SLC44A2: variants seen among roughly 807,000 people sequenced by gnomAD.
SLC44A2 encodes solute carrier family 44 member 2 (CTL2 blood group).
In SLC44A2, 57 loss-of-function variants were observed where a neutral mutation model predicts 90.8. That is an observed-to-expected ratio of 0.63 (90% confidence interval 0.51 to 0.78). The LOEUF (loss-of-function observed/expected upper bound fraction) is 0.78. Among genes scored for constraint, SLC44A2 ranks in the 30% least tolerant of loss-of-function variants. The pLI is 0.00. For synonymous variants in SLC44A2, 355 were observed against 360.7 expected, an observed-to-expected ratio of 0.98 and a Z score of 0.18; for missense variants, 794 against 919.7, an observed-to-expected ratio of 0.86 and a Z score of 1.77.
chr19:10,614,844 G>A (rs937743572), intron 1 of SLC44A2, among the ~76,000 whole-genome samples: 1 of 151,548 alleles, frequency 6.6e-6, no homozygotes, highest in Non-Finnish European at 1.5e-5. Flanking sequence ...GGTGGTGCGT[G>A]CCTGTAATCC....
intron 1 of SLC44A2, among the ~76,000 whole-genome samples, chr19:10,611,323 G>T (rs1248994873): frequency 6.6e-6 from 1 of 152,018 alleles, no homozygotes; most frequent in Non-Finnish European, 1.5e-5. Flanking sequence ...GTGGTGGCAG[G>T]TACCTGTAAT....
chr19:10,621,573 T>G (rs2066895527), upstream of SLC44A2, among the ~76,000 whole-genome samples: 1 of 151,754 alleles, frequency 6.6e-6, no homozygotes, highest in Non-Finnish European at 1.5e-5. Context: ...CCTCCCAAGT[T>G]GCTGGGACTA....
rs777292073 is a variant in SLC44A2 at position 10,635,265 on chromosome 19, C to G, written c.1148+10C>G. ...GGGCCAGCACTGCTGTGTATCTGCC[C>G]CCAGACACTGATCTCTGACCCCAGG... On this transcript the variant is annotated intron_variant, in intron 13 of 21. Transcript: ENST00000335757. 2 of 1,613,772 alleles carry G rather than the reference C, an allele frequency of 1.2e-6. No homozygotes were observed. Among genetic ancestry groups the G allele is most frequent in the Non-Finnish European group, 1.7e-6 (2 of 1,179,928 alleles).
In SLC44A2 at chr19:10,635,194, T is replaced by C; in HGVS notation, c.1087T>C (p.Tyr363His). Residue 363 changes from tyrosine (Y) to histidine (H), a missense_variant, in exon 13 of 22, where the codon TAC (tyrosine) becomes CAC (histidine). Transcript: ENST00000335757. ...AVGYVMCSLL[Y>H]PLVTFFLLCL... ...GGGATACGTCATGTGCTCCTTGCTCTACCCACTGGTCACCTTCTTCTTGCT... is the reference window on the plus strand; with the variant it reads ...GGGATACGTCATGTGCTCCTTGCTCCACCCACTGGTCACCTTCTTCTTGCT... 3 of 1,614,094 alleles carry C rather than the reference T, an allele frequency of 1.9e-6. No individual in the cohort carries two copies. The highest frequency in any genetic ancestry group is 2.5e-6 in the Non-Finnish European group (3 of 1,180,028).
At position 10,632,024 on chromosome 19, in the gene SLC44A2, G is replaced by C. The variant is rs770293579; in HGVS notation, c.711-20G>C. The C allele has an allele frequency of 8.1e-6, 13 of 1,613,946 alleles. No homozygotes were observed. In the South Asian group the frequency reaches 1.4e-4, roughly 18 times the overall value. On this transcript the variant is annotated intron_variant, in intron 9 of 21. Coordinates refer to ENST00000335757, the MANE Select transcript of SLC44A2 (RefSeq NM_020428.4). ...CTGGCTGAGGGTGGAGTCTGTTCAT[G>C]ACCGTTTTCTTTTCCCCAGAGGCCT...
At chr19:10,638,155 G>C (rs2067079242) in intron 19 of SLC44A2, 62 bp downstream of exon 19, 2 of 1,612,470 alleles carry the variant, frequency 1.2e-6, no homozygotes, top group East Asian at 2.2e-5. Context: ...TCTGTGATGA[G>C]TGTCATCTTC....
intron 1 of SLC44A2, among the ~76,000 whole-genome samples, chr19:10,610,536 G>A (rs550678622): frequency 6.8e-6 from 1 of 147,384 alleles, no homozygotes; most frequent in African/African-American, 2.5e-5. Context: ...GGGTTTCACT[G>A]TGTTAGCCAG....
Position 10,635,037 on chromosome 19 carries a change from T to G in SLC44A2, c.1019T>G (p.Ile340Ser), listed in dbSNP as rs776225036. 2 of 1,614,120 alleles carry G rather than the reference T, an allele frequency of 1.2e-6. No homozygotes were observed. ...ILLLIFLRKRILIAIALIKEA... is the reference protein window; with the variant it reads ...ILLLIFLRKRSLIAIALIKEA... The stretch of plus-strand genomic sequence containing the variant: ...CTGCTCATCTTTCTCCGGAAGAGAA[T>G]TCTCATCGCGATTGCACTCATCAAA... The change falls in exon 12 of 22, where the codon ATT becomes AGT. Residue 340 changes from isoleucine to serine, a missense_variant. This residue lies in a region of SLC44A2 where 738 missense variants were observed against 841.1 expected (regional missense o/e 0.88). Transcript: ENST00000335757.
chr19:10,631,274 G>A lies in SLC44A2; in HGVS notation c.331-1G>A. The A allele has an allele frequency of 6.2e-7, 1 of 1,614,052 alleles. No individual in the cohort carries two copies. The highest frequency in any genetic ancestry group is 8.5e-7 in the Non-Finnish European group (1 of 1,179,998). On this transcript the variant is annotated splice_acceptor_variant, in intron 5 of 21. Transcript: ENST00000335757. LOFTEE classifies it high-confidence loss of function. ...CCAATCCCTTCCTTCTCCCCTCCCA[G>A]ATCTGCGTGGAAAAATGCCCCGACC...
intron 1 of SLC44A2, among the ~76,000 whole-genome samples, chr19:10,606,842 T>A (rs1428992886): frequency 3.6e-5 from 5 of 137,666 alleles, no homozygotes; most frequent in African/African-American, 5.3e-5. Flanking sequence ...TATATTAAAA[T>A]ATATATATAC....
At chr19:10,636,262 A>G (rs1253741754) in intron 14 of SLC44A2, 61 bp from the exon 15 acceptor site, 1 of 1,555,728 alleles carries the variant, frequency 6.4e-7, no homozygotes, top group African/African-American at 1.4e-5. Context: ...CCTGATGCTC[A>G]GAGCCCACTG....
In SLC44A2 at chr19:10,631,257, T is replaced by C. The variant is rs1189518633; in HGVS notation, c.331-18T>C. Reference sequence around the variant, plus strand: ...GTCTGCCCCAACTCCACCCAATCCCTTCCTTCTCCCCTCCCAGATCTGCGT... The same window carrying C: ...GTCTGCCCCAACTCCACCCAATCCCCTCCTTCTCCCCTCCCAGATCTGCGT... On this transcript the variant is annotated intron_variant, in intron 5 of 21. Coordinates refer to ENST00000335757, the MANE Select transcript of SLC44A2 (RefSeq NM_020428.4). 1.4e-5 allele frequency: 23 copies of C among 1,613,324 alleles called. No individual in the cohort carries two copies. Among genetic ancestry groups the C allele is most frequent in the Non-Finnish European group, 2.0e-5 (23 of 1,179,384 alleles).
At chr19:10,618,406 C>T (rs1599234988) in intron 1 of SLC44A2, among the ~76,000 whole-genome samples, 1 of 150,834 alleles carries the variant, frequency 6.6e-6, no homozygotes, top group South Asian at 2.1e-4. Context: ...GATCTCCTGA[C>T]CTTGTGATCT....
rs1439566029 is a variant in SLC44A2, at chr19:10,634,981, T to A, written c.963T>A (p.Ile321=). The A allele has an allele frequency of 6.2e-7, 1 of 1,614,148 alleles. No homozygotes were observed. The highest frequency in any genetic ancestry group is 1.1e-5 in the South Asian group (1 of 91,088). The stretch of plus-strand genomic sequence containing the variant: ...AGCCTTTGCCCTTTGCAGTGATCAT[T>A]CTGAGTATCCTTGAAGTCATTATCA... The part of the protein sequence containing the change: ...LRQTWLAFMI[I]LSILEVIIIL... The change falls in exon 12 of 22, where the codon ATT becomes ATA. Residue 321 remains isoleucine, a synonymous_variant. Transcript: ENST00000335757.
At chr19:10,633,124 A>G (rs1242807363) in intron 10 of SLC44A2, among the ~76,000 whole-genome samples, 3 of 151,910 alleles carry the variant, frequency 2.0e-5, no homozygotes, top group South Asian at 2.1e-4. Context: ...GCTCAACAAA[A>G]CAGTGCTTCA....
rs750449869 is a variant in SLC44A2, at chr19:10,636,467, G to A, written c.1378G>A (p.Val460Met). 7 of 1,613,674 alleles carry A rather than the reference G, an allele frequency of 4.3e-6. No homozygotes were observed. The highest frequency in any genetic ancestry group is 3.3e-5 in the South Asian group (3 of 91,084). Residue 460 changes from valine to methionine, a missense_variant, in exon 15 of 22, where the codon GTG becomes ATG. By Grantham distance (21) the Val-to-Met change is conservative (BLOSUM62 1). Around this residue, in one of 3 missense-constraint regions of SLC44A2, gnomAD observed 738 missense variants for 841.1 expected, o/e 0.88. Coordinates refer to ENST00000335757, the MANE Select transcript of SLC44A2 (RefSeq NM_020428.4). ...CATGTTCTTCTGGTTGGCCAACTTC[G>A]TGCTGGCGCTGGGCCAGGTCACGCT... is the stretch of plus-strand genomic sequence containing the variant. ...AFMFFWLANF[V>M]LALGQVTLAG...
intron 20 of SLC44A2, 146 bp from the exon 21 acceptor site, chr19:10,642,221 G>T (rs992200178): frequency 6.5e-5 from 42 of 644,332 alleles, no homozygotes; most frequent in Non-Finnish European, 1.2e-4. Flanking sequence ...GGCCCTGCCA[G>T]CGGGGGTGAG....
At chr19:10,623,107 T>C (rs2066904303), upstream of SLC44A2, among the ~76,000 whole-genome samples, 1 of 151,970 alleles carries the variant, frequency 6.6e-6, no homozygotes, top group African/African-American at 2.4e-5. Context: ...AGAAGAGGCC[T>C]GTGGCTCGCT....
upstream of SLC44A2, chr19:10,602,502 C>A (rs1018906485): frequency 1.6e-6 from 2 of 1,256,464 alleles, no homozygotes; most frequent in Non-Finnish European, 2.0e-6. Context: ...CGCGCTGGCT[C>A]GGACTCCGCT....
Sources: gnomAD v4.1 joint callset for allele counts (sites outside exome capture counted in the v4.1 genomes callset) on GRCh38, gnomAD v4.1.1 for gene constraint, gnomAD v4.1.1 regional missense constraint, MANE v1.5 for transcripts, NCBI Gene and HGNC (gene_info 2026-07-23, HGNC 2026-07-21) for gene names.